Variants in ADAMTSL1 observed in about 807,000 individuals in gnomAD.
ADAMTSL1 encodes ADAMTS like 1, also known as ADAMTS-like protein 1.
A neutral mutation model predicts 201.8 loss-of-function variants in ADAMTSL1; 126 were observed. The observed-to-expected ratio is 0.62, with a 90% CI of 0.54 to 0.72. The LOEUF is 0.72. ADAMTSL1 is among the 30% of genes least tolerant of loss of function. The pLI is 0.00. For synonymous variants in ADAMTSL1, 1,121 were observed against 903.4 expected (o/e 1.24, Z -4.32); for missense variants, 2,679 against 2,277.8 (o/e 1.18, Z -3.59).
intron 19 of ADAMTSL1, among the ~76,000 whole-genome samples, chr9:18,781,637 T>G (rs968693318): frequency 6.6e-6 from 1 of 152,186 alleles, no homozygotes. Flanking sequence ...TGTCTGGTAG[T>G]GGTTCAGAAA....
chr9:18,429,977 A>G (rs1819411218), intron 2 of ADAMTSL1, among the ~76,000 whole-genome samples: 4 of 151,892 alleles, frequency 2.6e-5, no homozygotes, highest in Admixed American at 1.3e-4. Context: ...TTTAGTAGAG[A>G]CAGGGTTTCA....
intron 4 of ADAMTSL1, among the ~76,000 whole-genome samples, chr9:18,588,080 A>G (rs1386451936): frequency 2.0e-5 from 3 of 152,174 alleles, no homozygotes; most frequent in Non-Finnish European, 4.4e-5. Context: ...ACTACTTCAC[A>G]TTCCCACCAA....
At chr9:18,585,930 G>GA (rs573699321) in intron 4 of ADAMTSL1, among the ~76,000 whole-genome samples, 27 of 152,116 alleles carry the variant, frequency 1.8e-4, no homozygotes, top group Non-Finnish European at 3.4e-4. Flanking sequence ...GATATTGAAG[G>GA]AAAATACCCT....
intron 15 of ADAMTSL1, among the ~76,000 whole-genome samples, chr9:18,722,042 T>G (rs991546941): frequency 6.6e-6 from 1 of 152,200 alleles, no homozygotes; most frequent in African/African-American, 2.4e-5. Context: ...GTCTGTGAAT[T>G]GCAGAATATA....
At chr9:18,202,331 A>C (rs1264381552) in intron 2 of ADAMTSL1, among the ~76,000 whole-genome samples, 2 of 152,236 alleles carry the variant, frequency 1.3e-5, no homozygotes, top group African/African-American at 4.8e-5. Context: ...AATTGTTTTA[A>C]AGATAATTTA....
intron 1 of ADAMTSL1, among the ~76,000 whole-genome samples, chr9:18,503,421 G>GTGTATATATATATATATATCTATATA (rs376466829): frequency 8.7e-6 from 1 of 115,274 alleles, no homozygotes; most frequent in Non-Finnish European, 1.9e-5. Context: ...ATTCCATTGT[G>GTGTATATATATATATATATCTATATA]TATATATATA....
intron 2 of ADAMTSL1, among the ~76,000 whole-genome samples, chr9:18,316,716 C>T (rs534983253): frequency 3.5e-4 from 53 of 151,994 alleles, no homozygotes; most frequent in Admixed American, 5.2e-4. Context: ...GGTCCTGAGG[C>T]GACATACATC....
At chr9:18,015,956 A>C (rs1820243915) in intron 1 of ADAMTSL1, among the ~76,000 whole-genome samples, 2 of 152,168 alleles carry the variant, frequency 1.3e-5, no homozygotes, top group South Asian at 4.2e-4. Flanking sequence ...AGATCTCTGA[A>C]AACCAGGATG....
chr9:18,578,691 G>T (rs7389198), intron 4 of ADAMTSL1, among the ~76,000 whole-genome samples: 1 of 152,000 alleles, frequency 6.6e-6, no homozygotes, highest in Non-Finnish European at 1.5e-5. Context: ...ATAAACATAC[G>T]TGTGCATGTG....
At chr9:18,550,244 A>G (rs754053777) in intron 3 of ADAMTSL1, among the ~76,000 whole-genome samples, 30 of 151,922 alleles carry the variant, frequency 2.0e-4, no homozygotes, top group Non-Finnish European at 4.4e-4. Flanking sequence ...AAAAGTATGT[A>G]CTTCTGTAAT....
chr9:18,655,806 T>TAAAAAAAAAAAAAAA lies in ADAMTSL1; in HGVS notation c.835-1816_835-1802dup, dbSNP rs56662538. ...AGAGAGCTAGAGGCTTTTGTGAGCT[T>TAAAAAAAAAAAAAAA]AAAAAAAAAAAAAAAAAAAAAAAAA... is the stretch of plus-strand genomic sequence containing the variant. On this transcript the variant is annotated intron_variant, in intron 7 of 28. Coordinates refer to ENST00000380548, the MANE Select transcript of ADAMTSL1 (RefSeq NM_001040272.6). Among the ~76,000 whole-genome samples the TAAAAAAAAAAAAAAA allele has an allele frequency of 1.7e-3, 141 of 81,832 alleles. 6 individuals carry two copies. Among genetic ancestry groups the TAAAAAAAAAAAAAAA allele is most frequent in the African/African-American group, 4.7e-3 (71 of 15,102 alleles). The allele number at this position is 81,832 out of a possible 152,430, so 53.7% of individuals were successfully genotyped here.
At chr9:18,418,786 T>G (rs537193826) in intron 2 of ADAMTSL1, among the ~76,000 whole-genome samples, 1 of 152,330 alleles carries the variant, frequency 6.6e-6, no homozygotes, top group African/African-American at 2.4e-5. Context: ...GTCTATAGAT[T>G]TTATGCCATT....
intron 2 of ADAMTSL1, among the ~76,000 whole-genome samples, chr9:18,356,215 C>A (rs1190982428): frequency 6.6e-6 from 1 of 152,114 alleles, no homozygotes; most frequent in Non-Finnish European, 1.5e-5. Flanking sequence ...TTTCTGGGCC[C>A]AGAATAGGGG....
chr9:18,872,452 T>G (rs1171947126), intron 23 of ADAMTSL1, among the ~76,000 whole-genome samples: 1 of 152,198 alleles, frequency 6.6e-6, no homozygotes, highest in Non-Finnish European at 1.5e-5. Context: ...CAGTGTGCAC[T>G]GTACCCAATG....
At chr9:18,153,582 C>T (rs976736079) in intron 1 of ADAMTSL1, among the ~76,000 whole-genome samples, 4 of 151,932 alleles carry the variant, frequency 2.6e-5, no homozygotes, top group African/African-American at 9.7e-5. Context: ...TGGTTCAATG[C>T]AGGGAAGAAT....
At chr9:18,670,252 C>T (rs1829730465) in intron 9 of ADAMTSL1, among the ~76,000 whole-genome samples, 1 of 152,146 alleles carries the variant, frequency 6.6e-6, no homozygotes, top group South Asian at 2.1e-4. Flanking sequence ...CCCACACTGT[C>T]CAGGGCAGGT....
At chr9:18,505,652 G>A (rs1436316494) in intron 2 of ADAMTSL1, among the ~76,000 whole-genome samples, 1 of 152,160 alleles carries the variant, frequency 6.6e-6, no homozygotes, top group African/African-American at 2.4e-5. Context: ...GACTAGATCT[G>A]TCTCCAAACT....
At chr9:18,874,558 A>G (rs868003045) in intron 23 of ADAMTSL1, among the ~76,000 whole-genome samples, 2 of 151,608 alleles carry the variant, frequency 1.3e-5, no homozygotes, top group African/African-American at 4.8e-5. Flanking sequence ...GGATTTTTTT[A>G]TTTATGTGAT....
chr9:18,469,443 A>G (rs568401798), upstream of ADAMTSL1, among the ~76,000 whole-genome samples: 3 of 152,364 alleles, frequency 2.0e-5, no homozygotes, highest in African/African-American at 7.2e-5. Flanking sequence ...GCAGAAAGTG[A>G]TGTGTTATAG....
Sources: gnomAD v4.1 joint callset for allele counts (sites outside exome capture counted in the v4.1 genomes callset) on GRCh38, gnomAD v4.1.1 for gene constraint, MANE v1.5 for transcripts, NCBI Gene and HGNC (gene_info 2026-07-23, HGNC 2026-07-21) for gene names.